Variants in GLIS3 observed in about 807,000 individuals in gnomAD.
GLIS3 encodes zinc finger protein GLIS3.
In GLIS3, 53 loss-of-function variants were observed where a neutral mutation model predicts 78.6. The ratio of observed to expected loss-of-function variants is 0.67; its 90% CI spans 0.54 to 0.85. The LOEUF (loss-of-function observed/expected upper bound fraction) is 0.85. Ranked by LOEUF, GLIS3 falls within the 40% of genes least tolerant of loss-of-function variation. GLIS3 has a pLI of 0.00. For synonymous variants in GLIS3, 684 were observed against 509.9 expected, an observed-to-expected ratio of 1.34 and a Z score of -4.60; for missense variants, 1,703 against 1,231.1, an observed-to-expected ratio of 1.38 and a Z score of -5.74.
chr9:4,007,875 T>A (rs1588441103), intron 4 of GLIS3, among the ~76,000 whole-genome samples: 2 of 10,540 alleles, frequency 1.9e-4, no homozygotes, highest in Non-Finnish European at 3.7e-4. Context: ...CCATGGCAGG[T>A]CGGGCGGGGG....
intron 4 of GLIS3, among the ~76,000 whole-genome samples, chr9:3,971,098 CGAAGGAAGGAAGGAAGGATCGAAG>C (rs1453448484): frequency 7.8e-4 from 35 of 44,902 alleles, no homozygotes; most frequent in Non-Finnish European, 9.4e-4. Context: ...AAGGATAGAT[CGAAGGAAGGAAGGAAGGATCGAAG>C]GAAGGAAGGA....
In GLIS3 at chr9:4,251,124, A is replaced by T. The variant is rs147584817; in HGVS notation, c.388+34914T>A. ...AGTTCTGTAAATGTCTATTAGGTCC[A>T]CTTGGTCCAGAGCTGAGTTCAAGTC... On this transcript the variant is annotated intron_variant, in intron 2 of 10. Transcript: ENST00000381971. Among the ~76,000 whole-genome samples the T allele has an allele frequency of 5.0e-3, 765 of 152,248 alleles. 8 individuals carry two copies. Among genetic ancestry groups the T allele is most frequent in the African/African-American group, 0.018 (734 of 41,542 alleles).
the GLIS3 span, among the ~76,000 whole-genome samples, chr9:4,420,517 TAA>T: frequency 6.6e-6 from 1 of 152,140 alleles, no homozygotes; most frequent in Non-Finnish European, 1.5e-5. Flanking sequence ...AGCAAGCCAA[TAA>T]ACTCGGGGGT....
chr9:4,435,366 G>C, the GLIS3 span, among the ~76,000 whole-genome samples: 5 of 152,190 alleles, frequency 3.3e-5, no homozygotes, highest in Non-Finnish European at 4.4e-5. Context: ...TAATGTCCCA[G>C]GATGACTAAT....
At chr9:4,444,589 A>C in the GLIS3 span, among the ~76,000 whole-genome samples, 1 of 152,206 alleles carries the variant, frequency 6.6e-6, no homozygotes, top group East Asian at 1.9e-4. Flanking sequence ...ATGACTTCGC[A>C]GGTCTGGTAA....
chr9:3,968,532 TG>T (rs1248317767), intron 4 of GLIS3, among the ~76,000 whole-genome samples: 4 of 152,050 alleles, frequency 2.6e-5, no homozygotes, highest in African/African-American at 4.8e-5. Context: ...TAAGGAAAAA[TG>T]TTTGATTAAA....
intron 4 of GLIS3, among the ~76,000 whole-genome samples, chr9:3,979,946 C>T (rs755854484): frequency 9.9e-5 from 15 of 152,024 alleles, no homozygotes; most frequent in Admixed American, 6.6e-5. Context: ...ACGTAAGGAA[C>T]GGCAGATAAC....
chr9:4,287,672 T>C (rs1828117780), intron 1 of GLIS3, among the ~76,000 whole-genome samples: 1 of 152,168 alleles, frequency 6.6e-6, no homozygotes. Context: ...AATTTTTGTG[T>C]ATGATCCACT....
At chr9:4,295,743 A>G (rs568602772) in intron 1 of GLIS3, among the ~76,000 whole-genome samples, 2 of 152,336 alleles carry the variant, frequency 1.3e-5, no homozygotes, top group Middle Eastern at 3.4e-3. Flanking sequence ...CGAGCTCAAG[A>G]TAAGTGTGCT....
chr9:3,914,399 T>A (rs1824362195), intron 6 of GLIS3, among the ~76,000 whole-genome samples: 1 of 151,162 alleles, frequency 6.6e-6, no homozygotes, highest in Non-Finnish European at 1.5e-5. Context: ...ACTCCTGGGC[T>A]CAAGTGATCC....
At chr9:4,486,109 T>C in the GLIS3 span, among the ~76,000 whole-genome samples, 3 of 152,220 alleles carry the variant, frequency 2.0e-5, no homozygotes, top group African/African-American at 7.2e-5. Context: ...ATTGTACTAT[T>C]TTCAATGCAT....
At chr9:4,365,761 T>G in the GLIS3 span, among the ~76,000 whole-genome samples, 1 of 152,192 alleles carries the variant, frequency 6.6e-6, no homozygotes, top group Non-Finnish European at 1.5e-5. Context: ...GCCAAAGTAT[T>G]TCTTTTACAT....
chr9:4,054,921 G>C (rs925223452), intron 4 of GLIS3, among the ~76,000 whole-genome samples: 2 of 152,060 alleles, frequency 1.3e-5, no homozygotes, highest in South Asian at 2.1e-4. Flanking sequence ...TCCAAATAAT[G>C]GTCTCCCAAG....
intron 2 of GLIS3, among the ~76,000 whole-genome samples, chr9:4,217,139 G>A (rs1439404941): frequency 6.6e-6 from 1 of 152,134 alleles, no homozygotes. Flanking sequence ...GAAACATGAA[G>A]TAGAGAACCA....
chr9:4,234,818 G>A (rs537737999), intron 2 of GLIS3, among the ~76,000 whole-genome samples: 1 of 152,156 alleles, frequency 6.6e-6, no homozygotes, highest in African/African-American at 2.4e-5. Flanking sequence ...TAAGTGACCT[G>A]CTCAAGGTCA....
intron 2 of GLIS3, among the ~76,000 whole-genome samples, chr9:4,140,684 T>A (rs1038756198): frequency 6.6e-6 from 1 of 152,182 alleles, no homozygotes; most frequent in Non-Finnish European, 1.5e-5. Flanking sequence ...CCAAAGCCCA[T>A]TCAGCAGCTC....
intron 2 of GLIS3, among the ~76,000 whole-genome samples, chr9:4,315,038 C>G (rs1376810346): frequency 2.6e-5 from 4 of 152,174 alleles, no homozygotes; most frequent in Admixed American, 2.6e-4. Flanking sequence ...CCTCTCTTCC[C>G]TTGTGGTCCT....
At chr9:3,871,288 G>A (rs1016114981) in intron 8 of GLIS3, among the ~76,000 whole-genome samples, 7 of 152,278 alleles carry the variant, frequency 4.6e-5, no homozygotes, top group South Asian at 4.1e-4. Flanking sequence ...TTTTGCAGGC[G>A]CACAGTGCAA....
intron 2 of GLIS3, among the ~76,000 whole-genome samples, chr9:4,202,275 C>T (rs1455649178): frequency 2.0e-5 from 3 of 150,668 alleles, no homozygotes; most frequent in Admixed American, 6.6e-5. Context: ...CTCAGCCTCC[C>T]GAGTAGCTGG....
Sources: allele counts gnomAD v4.1 joint callset (sites outside exome capture counted in the v4.1 genomes callset), GRCh38; gene constraint gnomAD v4.1.1; transcripts MANE v1.5; gene names NCBI Gene and HGNC (gene_info 2026-07-23, HGNC 2026-07-21).